Variants in ZNF385B observed in about 807,000 individuals in gnomAD.
ZNF385B encodes zinc finger protein 385B, also known as zinc finger protein 533.
A neutral mutation model predicts 39.2 loss-of-function variants in ZNF385B; 23 were observed. The observed-to-expected ratio is 0.59, with a 90% CI of 0.42 to 0.83. The LOEUF (loss-of-function observed/expected upper bound fraction) is 0.83. Ranked by LOEUF, ZNF385B falls within the 40% of genes least tolerant of loss-of-function variation. The pLI is 0.00. For synonymous variants in ZNF385B, 205 were observed against 222.6 expected, an observed-to-expected ratio of 0.92 and a Z score of 0.70; for missense variants, 552 against 598.9, an observed-to-expected ratio of 0.92 and a Z score of 0.82.
intron 3 of ZNF385B, among the ~76,000 whole-genome samples, chr2:179,667,354 T>A (rs953016855): frequency 4.6e-5 from 7 of 152,198 alleles, no homozygotes; most frequent in Non-Finnish European, 7.3e-5. Flanking sequence ...GCAGAAATCA[T>A]GTACTATGCA....
chr2:179,767,258 G>A (rs1703756211), intron 3 of ZNF385B, among the ~76,000 whole-genome samples: 1 of 152,112 alleles, frequency 6.6e-6, no homozygotes. Context: ...CACAGAGACA[G>A]CCAAAATAGT....
intron 3 of ZNF385B, among the ~76,000 whole-genome samples, chr2:179,676,344 T>C (rs1274212348): frequency 6.6e-6 from 1 of 151,936 alleles, no homozygotes; most frequent in Non-Finnish European, 1.5e-5. Flanking sequence ...TGCCTCGGCC[T>C]CCCAAAGTGC....
chr2:179,729,480 G>A (rs1206485200), intron 3 of ZNF385B, among the ~76,000 whole-genome samples: 1 of 152,262 alleles, frequency 6.6e-6, no homozygotes, highest in African/African-American at 2.4e-5. Context: ...AAACCAAAAG[G>A]ATAAACCTTG....
At chr2:179,793,014 T>C (rs764683441) in intron 1 of ZNF385B, among the ~76,000 whole-genome samples, 43 of 152,182 alleles carry the variant, frequency 2.8e-4, no homozygotes, top group Non-Finnish European at 5.4e-4. Context: ...GGACCATACA[T>C]TGAGAAACTT....
chr2:179,609,320 T>C (rs1333141092), intron 3 of ZNF385B, among the ~76,000 whole-genome samples: 1 of 152,186 alleles, frequency 6.6e-6, no homozygotes, highest in East Asian at 1.9e-4. Context: ...TGTGAGAACA[T>C]GTGACGTTTG....
intron 5 of ZNF385B, among the ~76,000 whole-genome samples, chr2:179,488,427 A>G (rs1353926063): frequency 6.6e-6 from 1 of 152,298 alleles, no homozygotes; most frequent in East Asian, 1.9e-4. Flanking sequence ...TACAGGCGAG[A>G]GCCACTGCGC....
At chr2:179,698,757 T>TTTTATTAAGTTTA (rs1458453013) in intron 3 of ZNF385B, among the ~76,000 whole-genome samples, 1 of 152,206 alleles carries the variant, frequency 6.6e-6, no homozygotes, top group African/African-American at 2.4e-5. Flanking sequence ...GTTTAATGTT[T>TTTTATTAAGTTTA]ATGGTTTTTA....
chr2:179,465,336 C>T (rs1199792528), intron 6 of ZNF385B, among the ~76,000 whole-genome samples: 3 of 152,154 alleles, frequency 2.0e-5, no homozygotes, highest in African/African-American at 7.2e-5. Context: ...TCCTCTACCA[C>T]ACTGACATAG....
At chr2:179,820,048 T>C (rs1011793755) in intron 1 of ZNF385B, among the ~76,000 whole-genome samples, 1 of 152,196 alleles carries the variant, frequency 6.6e-6, no homozygotes, top group Non-Finnish European at 1.5e-5. Context: ...TTTATGTATG[T>C]ACATGAGAAT....
intron 1 of ZNF385B, among the ~76,000 whole-genome samples, chr2:179,776,400 G>A (rs1412972318): frequency 3.3e-5 from 5 of 152,176 alleles, no homozygotes; most frequent in East Asian, 1.9e-4. Flanking sequence ...TGGGGTGACA[G>A]GCCTGAGACT....
intron 3 of ZNF385B, among the ~76,000 whole-genome samples, chr2:179,670,179 C>G (rs1695744850): frequency 6.6e-6 from 1 of 151,554 alleles, no homozygotes; most frequent in African/African-American, 2.4e-5. Context: ...GTAGTCCCAG[C>G]TACTCGGGAG....
intron 1 of ZNF385B, among the ~76,000 whole-genome samples, chr2:179,799,841 G>T (rs914245443): frequency 1.3e-5 from 2 of 152,240 alleles, no homozygotes; most frequent in African/African-American, 4.8e-5. Context: ...TGTTTAAAAT[G>T]ATGGTAACGT....
At chr2:179,825,135 C>T (rs1160771338) in intron 1 of ZNF385B, among the ~76,000 whole-genome samples, 1 of 152,126 alleles carries the variant, frequency 6.6e-6, no homozygotes, top group Non-Finnish European at 1.5e-5. Flanking sequence ...TCCCCTGGAC[C>T]AATCAGTGGT....
At chr2:179,847,932 G>A (rs1186494681) in intron 1 of ZNF385B, among the ~76,000 whole-genome samples, 1 of 152,160 alleles carries the variant, frequency 6.6e-6, no homozygotes, top group Non-Finnish European at 1.5e-5. Flanking sequence ...CCTATAACTA[G>A]AGTAACTGCT....
intron 3 of ZNF385B, among the ~76,000 whole-genome samples, chr2:179,568,215 T>C (rs1411665147): frequency 2.6e-5 from 4 of 152,168 alleles, no homozygotes; most frequent in Admixed American, 2.6e-4. Context: ...AGCATGAAAC[T>C]CCCTGCTCCC....
At chr2:179,730,641 T>C (rs908366978) in intron 3 of ZNF385B, among the ~76,000 whole-genome samples, 1 of 152,142 alleles carries the variant, frequency 6.6e-6, no homozygotes, top group East Asian at 1.9e-4. Flanking sequence ...AGTCCATTTG[T>C]AAATTATGTA....
In ZNF385B at chr2:179,844,956, A is replaced by T. The variant is rs368085021; in HGVS notation, c.-155+16145T>A. Among the ~76,000 whole-genome samples, 39 of 152,296 alleles carry T rather than the reference A, an allele frequency of 2.6e-4. No individual in the cohort carries two copies. In the South Asian group the frequency reaches 8.1e-3, roughly 32 times the overall value. On this transcript the variant is annotated intron_variant, in intron 1 of 9. Coordinates refer to ENST00000410066, the MANE Select transcript of ZNF385B (RefSeq NM_152520.6). ...ATTTATCCCATTGTCTTTCTTTGTA[A>T]CCTTGTCTTGGTGACATGTACAGTA...
chr2:179,668,946 C>G (rs1342879574), intron 3 of ZNF385B, among the ~76,000 whole-genome samples: 1 of 151,956 alleles, frequency 6.6e-6, no homozygotes, highest in African/African-American at 2.4e-5. Context: ...GGCTAGAAAA[C>G]AAAAGGAAAG....
chr2:179,588,399 C>T (rs1214057724), intron 3 of ZNF385B, among the ~76,000 whole-genome samples: 1 of 152,070 alleles, frequency 6.6e-6, no homozygotes, highest in Non-Finnish European at 1.5e-5. Context: ...GCTATTCTGC[C>T]TGGGCAAACT....
Sources: allele counts gnomAD v4.1 joint callset (sites outside exome capture counted in the v4.1 genomes callset), GRCh38; gene constraint gnomAD v4.1.1; transcripts MANE v1.5; gene names NCBI Gene and HGNC (gene_info 2026-07-23, HGNC 2026-07-21).